RFC3: variants seen among roughly 807,000 people sequenced by gnomAD.
The protein encoded by RFC3 is A1 38 kDa subunit.
A neutral mutation model predicts 45.1 loss-of-function variants in RFC3; 41 were observed. That is an observed-to-expected ratio of 0.91 (90% confidence interval 0.71 to 1.18). The LOEUF is 1.18. RFC3 is among the 50% of genes most tolerant of loss of function. The probability of loss-of-function intolerance (pLI) is 0.00; values close to 1 mark genes in which losing one functional copy is unlikely to be tolerated. For missense variants in RFC3, 423 were observed against 428.1 expected, an observed-to-expected ratio of 0.99 and a Z score of 0.10; for synonymous variants, 149 against 144.0, an observed-to-expected ratio of 1.03 and a Z score of -0.25.
chr13:33,877,698 T>G (rs143614185), intron 8 of RFC3, among the ~76,000 whole-genome samples: 52 of 149,092 alleles, frequency 3.5e-4, no homozygotes, highest in African/African-American at 1.2e-3. Context: ...TATAATAGAT[T>G]ATAATAAAAT....
chr13:33,860,696 T>C (rs1014955790), intron 8 of RFC3, among the ~76,000 whole-genome samples: 2 of 152,196 alleles, frequency 1.3e-5, no homozygotes, highest in African/African-American at 4.8e-5. Context: ...AACCGTGTTA[T>C]ATTTCTGTCT....
rs116806405 is a variant in RFC3 at position 33,871,626 on chromosome 13, G to A, written c.879+36409G>A. 2.9e-3 allele frequency among the ~76,000 whole-genome samples: 445 copies of A among 152,332 alleles called. 1 individual carries two copies. The highest frequency in any genetic ancestry group is 0.014 in the Middle Eastern group (4 of 294). ...ATTCACAGGTTCCAGGGAGCAAGAC[G>A]TGGACATCTCTGTAGGCCATTATTC... On this transcript the variant is annotated intron_variant, in intron 8 of 8. Coordinates refer to the RFC3 transcript ENST00000434425.
intron 6 of RFC3, 80 bp from the exon 7 acceptor site, chr13:33,831,176 G>A (rs1480141913): frequency 1.8e-5 from 16 of 867,980 alleles, no homozygotes; most frequent in South Asian, 4.3e-5. Flanking sequence ...CTAACCGCAC[G>A]GACCAGTGGT....
intron 8 of RFC3, among the ~76,000 whole-genome samples, chr13:33,939,861 C>A (rs2082912380): frequency 6.6e-6 from 1 of 152,116 alleles, no homozygotes; most frequent in Non-Finnish European, 1.5e-5. Context: ...CCCAGAGAAC[C>A]AAATTGTCAT....
At chr13:33,830,597 TA>T (rs2139407741) in intron 5 of RFC3, 121 bp from the exon 6 acceptor site, 1 of 671,524 alleles carries the variant, frequency 1.5e-6, no homozygotes, top group Non-Finnish European at 2.3e-6. Context: ...ACTTTTAGTG[TA>T]AGTTTCACTT....
intron 8 of RFC3, among the ~76,000 whole-genome samples, chr13:33,905,337 A>G (rs926011970): frequency 1.3e-5 from 2 of 152,108 alleles, no homozygotes; most frequent in African/African-American, 4.8e-5. Flanking sequence ...GGATAGGCCT[A>G]CAATCACAGA....
chr13:33,855,492 A>G (rs2082303360), intron 8 of RFC3, among the ~76,000 whole-genome samples: 1 of 152,198 alleles, frequency 6.6e-6, no homozygotes, highest in South Asian at 2.1e-4. Flanking sequence ...GGTATATACC[A>G]GTAATGGGAT....
At chr13:33,853,968 T>C (rs1045315601) in intron 8 of RFC3, among the ~76,000 whole-genome samples, 1 of 152,202 alleles carries the variant, frequency 6.6e-6, no homozygotes, top group South Asian at 2.1e-4. Flanking sequence ...TGTGACACAG[T>C]CATCACGGGG....
downstream of RFC3, among the ~76,000 whole-genome samples, chr13:33,966,801 A>G (rs896771714): frequency 7.2e-5 from 11 of 152,176 alleles, no homozygotes; most frequent in Admixed American, 4.6e-4. Flanking sequence ...ACAAGATCTC[A>G]ATTTCTTGGA....
At position 33,830,855 on chromosome 13, in the gene RFC3, A is replaced by G; in HGVS notation, c.710A>G (p.Gln237Arg). 1 of 1,611,268 alleles carries G rather than the reference A, an allele frequency of 6.2e-7. No individual in the cohort carries two copies. Among genetic ancestry groups the G allele is most frequent in the Non-Finnish European group, 8.5e-7 (1 of 1,179,156 alleles). The change falls in exon 6 of 9, where the codon CAA becomes CGA. Residue 237 changes from glutamine to arginine, a missense_variant and splice_region_variant. Transcript: ENST00000380071. ...LLMCEACRVQQYPFTADQEIP... is the reference protein window; with the variant it reads ...LLMCEACRVQRYPFTADQEIP... ...ATGTGTGAAGCCTGCAGAGTGCAAC[A>G]GTGAGTGGAAGGGGTAGTTACATTC...
At chr13:33,869,795 G>T (rs1297220402) in intron 8 of RFC3, among the ~76,000 whole-genome samples, 1 of 152,138 alleles carries the variant, frequency 6.6e-6, no homozygotes, top group South Asian at 2.1e-4. Flanking sequence ...CATATGTCCG[G>T]TGTCTTAATA....
chr13:33,825,613 T>G (rs2082041694), intron 3 of RFC3, among the ~76,000 whole-genome samples, 176 bp from the exon 4 acceptor site: 1 of 152,180 alleles, frequency 6.6e-6, no homozygotes, highest in Non-Finnish European at 1.5e-5. Flanking sequence ...TTAATCCAAT[T>G]GGAATATTGT....
intron 8 of RFC3, among the ~76,000 whole-genome samples, chr13:33,938,123 A>G (rs545611460): frequency 6.7e-6 from 1 of 148,224 alleles, no homozygotes; most frequent in Non-Finnish European, 1.5e-5. Flanking sequence ...TGTCCTAAGG[A>G]ATATTCTAGT....
chr13:33,965,653 G>A (rs1566045422), intron 8 of RFC3, among the ~76,000 whole-genome samples: 1 of 152,180 alleles, frequency 6.6e-6, no homozygotes, highest in African/African-American at 2.4e-5. Context: ...AAAGGCCAAG[G>A]AAAGGGGTTT....
intron 8 of RFC3, among the ~76,000 whole-genome samples, chr13:33,955,841 C>T (rs950344030): frequency 1.3e-5 from 2 of 152,188 alleles, no homozygotes; most frequent in African/African-American, 2.4e-5. Flanking sequence ...TCAGGAGGCG[C>T]ATGTGCAGGC....
At chr13:33,948,269 G>A (rs1396746414) in intron 8 of RFC3, among the ~76,000 whole-genome samples, 1 of 152,220 alleles carries the variant, frequency 6.6e-6, no homozygotes, top group Non-Finnish European at 1.5e-5. Context: ...GCTTCAGAGG[G>A]TTCAAGCTTT....
chr13:33,972,250 T>C, the RFC3 span, among the ~76,000 whole-genome samples: 1 of 152,250 alleles, frequency 6.6e-6, no homozygotes, highest in African/African-American at 2.4e-5. Flanking sequence ...ATTCAAATCT[T>C]AGTTTACCTT....
chr13:33,976,200 A>C, the RFC3 span, among the ~76,000 whole-genome samples: 2 of 152,242 alleles, frequency 1.3e-5, no homozygotes, highest in African/African-American at 4.8e-5. Context: ...CTGATATAGA[A>C]AATTATGGAA....
intron 8 of RFC3, among the ~76,000 whole-genome samples, chr13:33,901,117 G>A (rs892701455): frequency 6.6e-6 from 1 of 152,106 alleles, no homozygotes; most frequent in Middle Eastern, 3.4e-3. Context: ...TACAGCCACT[G>A]TAGAAAACAA....
Sources: gnomAD v4.1 joint callset for allele counts (sites outside exome capture counted in the v4.1 genomes callset) on GRCh38, gnomAD v4.1.1 for gene constraint, MANE v1.5 for transcripts, NCBI Gene and HGNC (gene_info 2026-07-23, HGNC 2026-07-21) for gene names.